The following RAB31 variants were observed in gnomAD, a reference collection of about 807,000 sequenced individuals.
The protein encoded by RAB31 is RAB31, member RAS oncogene family.
A neutral mutation model predicts 25.6 loss-of-function variants in RAB31; 21 were observed. That is an observed-to-expected ratio of 0.82 (90% CI 0.58 to 1.18). RAB31 has a LOEUF of 1.18. Ranked by LOEUF, RAB31 falls within the 50% of genes most tolerant of loss-of-function variation. The pLI is 0.00. For missense variants in RAB31, 196 were observed against 250.1 expected (o/e 0.78, Z 1.46); for synonymous variants, 87 against 84.0 (o/e 1.04, Z -0.20).
At chr18:9,777,327 A>G (rs1438385275) in intron 2 of RAB31, among the ~76,000 whole-genome samples, 1 of 152,226 alleles carries the variant, frequency 6.6e-6, no homozygotes, top group Admixed American at 6.5e-5. Context: ...TTCATCTCAA[A>G]TAAGTAAATA....
chr18:9,828,518 T>C (rs972526359), intron 5 of RAB31, among the ~76,000 whole-genome samples: 32 of 152,216 alleles, frequency 2.1e-4, no homozygotes, highest in Non-Finnish European at 4.4e-4. Context: ...TTCCATAGTG[T>C]ACACGGTCAA....
chr18:9,716,625 C>T (rs76456516), intron 1 of RAB31, among the ~76,000 whole-genome samples: 16,635 of 152,178 alleles, frequency 0.11, 1,029 homozygotes, highest in South Asian at 0.24. Context: ...CGGGGATTGA[C>T]GCTGGTCCTA....
intron 3 of RAB31, among the ~76,000 whole-genome samples, chr18:9,793,346 G>A (rs2068470868): frequency 6.6e-6 from 1 of 152,092 alleles, no homozygotes; most frequent in South Asian, 2.1e-4. Flanking sequence ...CCGAAGTGCT[G>A]GGATTGCAGG....
chr18:9,718,916 A>ATG (rs2068057624), intron 1 of RAB31, among the ~76,000 whole-genome samples: 1 of 151,932 alleles, frequency 6.6e-6, no homozygotes, highest in Non-Finnish European at 1.5e-5. Context: ...TCAGGATTTC[A>ATG]ACATACAAAT....
chr18:9,861,103 T>C lies in RAB31; in HGVS notation c.*1778T>C, dbSNP rs866667868. ...AAATGATCATACCCCTTGCCAAAGG[T>C]AAAAAAAAAAAAAAAAAAATGAGTT... is the stretch of plus-strand genomic sequence containing the variant. On this transcript the variant is annotated 3_prime_UTR_variant, in exon 7 of 7. Transcript: ENST00000578921. 2.6e-5 allele frequency: 3 copies of C among 115,330 alleles called. No individual in the cohort carries two copies. The highest frequency in any genetic ancestry group is 9.7e-5 in the African/African-American group (3 of 30,772). 7.1% of individuals were successfully genotyped at this position (115,330 alleles called of 1,614,324 possible). A position where few individuals can be genotyped will look rare whatever the true frequency, so the allele number is the denominator to read the frequency against.
intron 5 of RAB31, among the ~76,000 whole-genome samples, chr18:9,817,936 T>A (rs1355606631): frequency 6.6e-6 from 1 of 152,228 alleles, no homozygotes; most frequent in African/African-American, 2.4e-5. Flanking sequence ...CTAGTGGTAG[T>A]GTCATGGGGC....
At position 9,815,189 on chromosome 18, in the gene RAB31, T is replaced by A; in HGVS notation, c.347T>A (p.Ile116Asn). The stretch of plus-strand genomic sequence containing the variant: ...GGTCCAGAAAACATTGTAATGGCCA[T>A]CGCTGGAAACAAGTGCGACCTCTCA... Reference protein sequence around the residue: ...EHGPENIVMAIAGNKCDLSDI... With the variant: ...EHGPENIVMANAGNKCDLSDI... Residue 116 changes from isoleucine (I) to asparagine (N), a missense_variant, in exon 5 of 7, where the codon ATC (isoleucine) becomes AAC (asparagine). Ile to Asn is a moderately radical substitution (Grantham distance 149). Coordinates refer to ENST00000578921, the MANE Select transcript of RAB31 (RefSeq NM_006868.4). 1 of 1,556,584 alleles carries A rather than the reference T, an allele frequency of 6.4e-7. No individual in the cohort carries two copies. Among genetic ancestry groups the A allele is most frequent in the Non-Finnish European group, 8.7e-7 (1 of 1,148,724 alleles).
intron 1 of RAB31, among the ~76,000 whole-genome samples, chr18:9,731,337 G>T (rs879851799): frequency 5.7e-4 from 87 of 152,020 alleles, no homozygotes; most frequent in Non-Finnish European, 7.4e-4. Context: ...CTGTTTTTTT[G>T]GACATTAAAT....
intron 1 of RAB31, among the ~76,000 whole-genome samples, chr18:9,773,925 TG>T (rs915546535): frequency 5.3e-5 from 8 of 152,280 alleles, no homozygotes; most frequent in African/African-American, 1.2e-4. Context: ...CCTCCCAAAG[TG>T]CTAGGATTAC....
intron 6 of RAB31, among the ~76,000 whole-genome samples, chr18:9,845,924 A>G (rs1208871958): frequency 2.6e-5 from 4 of 152,248 alleles, no homozygotes; most frequent in Non-Finnish European, 5.9e-5. Context: ...CTGTAAATTA[A>G]AATGAAGTAA....
chr18:9,826,428 A>C (rs2068650206), intron 5 of RAB31, among the ~76,000 whole-genome samples: 1 of 152,202 alleles, frequency 6.6e-6, no homozygotes, highest in Non-Finnish European at 1.5e-5. Flanking sequence ...AAAAAAACAC[A>C]CACACAAAAC....
At chr18:9,772,992 G>A (rs1336518854) in intron 1 of RAB31, among the ~76,000 whole-genome samples, 2 of 152,158 alleles carry the variant, frequency 1.3e-5, no homozygotes, top group Admixed American at 1.3e-4. Flanking sequence ...GCATCAATTG[G>A]CATCTCAGGA....
At chr18:9,745,083 A>G (rs2068198865) in intron 1 of RAB31, among the ~76,000 whole-genome samples, 1 of 152,150 alleles carries the variant, frequency 6.6e-6, no homozygotes, top group African/African-American at 2.4e-5. Context: ...AAAAAAAGAG[A>G]AAAGAAGTAA....
chr18:9,812,556 C>T (rs28856003), intron 3 of RAB31, among the ~76,000 whole-genome samples: 2 of 152,084 alleles, frequency 1.3e-5, no homozygotes, highest in Non-Finnish European at 2.9e-5. Flanking sequence ...TCTTCCGATT[C>T]TAATTGAACA....
At chr18:9,792,014 G>T (rs2068463025) in intron 2 of RAB31, 140 bp from the exon 3 acceptor site, 3 of 1,149,208 alleles carry the variant, frequency 2.6e-6, no homozygotes, top group Admixed American at 5.9e-5. Context: ...GAGTCTTCTA[G>T]CCCTTTTCTC....
intron 5 of RAB31, among the ~76,000 whole-genome samples, chr18:9,817,861 G>A (rs547108686): frequency 6.6e-6 from 1 of 152,270 alleles, no homozygotes; most frequent in South Asian, 2.1e-4. Context: ...ACTTCCAACC[G>A]TGAATTTACT....
chr18:9,723,194 T>C (rs542204530), intron 1 of RAB31, among the ~76,000 whole-genome samples: 1 of 152,094 alleles, frequency 6.6e-6, no homozygotes, highest in Admixed American at 6.6e-5. Flanking sequence ...ATTACAGGCG[T>C]GTGGCACCAT....
At chr18:9,798,775 T>A (rs1020842677) in intron 3 of RAB31, among the ~76,000 whole-genome samples, 1 of 126,670 alleles carries the variant, frequency 7.9e-6, no homozygotes, top group East Asian at 2.4e-4. Context: ...TATGCCACCA[T>A]GCGCAGCTAA....
chr18:9,807,201 C>T (rs188434832), intron 3 of RAB31, among the ~76,000 whole-genome samples: 68 of 152,268 alleles, frequency 4.5e-4, no homozygotes, highest in African/African-American at 1.3e-3. Flanking sequence ...TAAATGACAC[C>T]GTATGTTTTT....
Sources: allele counts gnomAD v4.1 joint callset (sites outside exome capture counted in the v4.1 genomes callset), GRCh38; gene constraint gnomAD v4.1.1; transcripts MANE v1.5; gene names NCBI Gene and HGNC (gene_info 2026-07-23, HGNC 2026-07-21).